The following SLC18A2 variants were observed in gnomAD, a reference collection of about 807,000 sequenced individuals.
The protein encoded by SLC18A2 is synaptic vesicular amine transporter.
A neutral mutation model predicts 59.2 loss-of-function variants in SLC18A2; 33 were observed. The ratio of observed to expected loss-of-function variants is 0.56; its 90% CI spans 0.42 to 0.75. SLC18A2 has a LOEUF of 0.75. SLC18A2 is among the 30% of genes least tolerant of loss of function. The probability of loss-of-function intolerance (pLI) is 0.00; values close to 1 mark genes in which losing one functional copy is unlikely to be tolerated. For missense variants in SLC18A2, 569 were observed against 668.6 expected (o/e 0.85, Z 1.64); for synonymous variants, 228 against 253.5 (o/e 0.90, Z 0.95).
At chr10:117,251,227 G>A (rs889030448) in intron 3 of SLC18A2, among the ~76,000 whole-genome samples, 2 of 152,174 alleles carry the variant, frequency 1.3e-5, no homozygotes, top group African/African-American at 2.4e-5. Flanking sequence ...AGGACAGCCC[G>A]GAAGATTGTC....
At position 117,260,894 on chromosome 10, in the gene SLC18A2, G is replaced by C. The variant is rs368001492; in HGVS notation, c.991+3002G>C. ...AGAAAGCACATCTGGACTTTCTGCT[G>C]TTGTAGGAGAGTGTCCTTGTACGTA... On this transcript the variant is annotated intron_variant, in intron 10 of 15. Coordinates refer to ENST00000644641, the MANE Select transcript of SLC18A2 (RefSeq NM_003054.6). 3.3e-5 allele frequency among the ~76,000 whole-genome samples: 5 copies of C among 152,314 alleles called. No individual in the cohort carries two copies. In the South Asian group the frequency reaches 1.0e-3, roughly 32 times the overall value.
intron 10 of SLC18A2, among the ~76,000 whole-genome samples, chr10:117,262,089 T>G (rs748007553): frequency 6.6e-6 from 1 of 152,112 alleles, no homozygotes; most frequent in African/African-American, 2.4e-5. Context: ...GTATTTTTAG[T>G]AGAGACAGGG....
intron 15 of SLC18A2, among the ~76,000 whole-genome samples, chr10:117,276,630 A>AG (rs1554953530): frequency 8.5e-4 from 19 of 22,310 alleles, no homozygotes; most frequent in African/African-American, 1.7e-3. Context: ...AAAAAAAAAA[A>AG]AAAGAAAGAA....
At chr10:117,247,750 G>C (rs1383868802) in intron 3 of SLC18A2, among the ~76,000 whole-genome samples, 2 of 152,180 alleles carry the variant, frequency 1.3e-5, no homozygotes, top group East Asian at 3.8e-4. Context: ...AACTGGTCCA[G>C]CCTCGTGCAT....
chr10:117,269,448 A>G lies in SLC18A2; in HGVS notation c.1187-623A>G, dbSNP rs894039748. Among the ~76,000 whole-genome samples the G allele has an allele frequency of 6.6e-6, 1 of 152,162 alleles. No homozygotes were observed. The highest frequency in any genetic ancestry group is 6.5e-5 in the Admixed American group (1 of 15,282). On this transcript the variant is annotated intron_variant, in intron 13 of 15. Transcript: ENST00000644641. The surrounding 1 kb of genome is among the most constrained non-coding windows in gnomAD (Gnocchi z 5.1). ...CATACAGACATACACCCCAGCAACA[A>G]CCACGACCAGCATTAGAATCTCGTC...
Position 117,241,548 on chromosome 10 carries a change from G to A in SLC18A2, c.-15-131G>A, listed in dbSNP as rs1844052272. On this transcript the variant is annotated intron_variant, in intron 1 of 15. Coordinates refer to ENST00000644641, the MANE Select transcript of SLC18A2 (RefSeq NM_003054.6). ...ACGCGCTCGAGGCAGGTGAGCCGAGGCTGGGGCGCCCGGGGGTGTCCCCGG... is the reference window on the plus strand; with the variant it reads ...ACGCGCTCGAGGCAGGTGAGCCGAGACTGGGGCGCCCGGGGGTGTCCCCGG... 15 of 1,021,450 alleles carry A rather than the reference G, an allele frequency of 1.5e-5. 2 individuals are homozygous for A. In the South Asian group the frequency reaches 2.9e-4, roughly 20 times the overall value. The allele number at this position is 1,021,450 out of a possible 1,614,324, so 63.3% of individuals were successfully genotyped here. A position where few individuals can be genotyped will look rare whatever the true frequency, so the allele number is the denominator to read the frequency against.
intron 15 of SLC18A2, among the ~76,000 whole-genome samples, chr10:117,274,701 T>C (rs1203919234): frequency 2.0e-5 from 3 of 152,150 alleles, no homozygotes; most frequent in Admixed American, 2.0e-4. Context: ...TCCCTTGCTG[T>C]CCAAACCTTT....
chr10:117,268,030 C>G, intron 13 of SLC18A2: 1 of 299,130 alleles, frequency 3.3e-6, no homozygotes, highest in Non-Finnish European at 6.4e-6. Context: ...GCACAGAGCT[C>G]ATTTTTGTGG....
chr10:117,242,686 A>G (rs548169510), intron 2 of SLC18A2, among the ~76,000 whole-genome samples: 2 of 152,250 alleles, frequency 1.3e-5, no homozygotes, highest in East Asian at 3.9e-4. Context: ...CTTCGATTAT[A>G]TGTTTCACAA....
At chr10:117,259,232 G>A (rs543067767) in intron 10 of SLC18A2, among the ~76,000 whole-genome samples, 20 of 152,250 alleles carry the variant, frequency 1.3e-4, no homozygotes, top group African/African-American at 4.6e-4. Context: ...GGAGTTAGTC[G>A]TTGCCTTGTC....
At chr10:117,243,936 T>C (rs1302503679) in intron 2 of SLC18A2, 35 bp from the exon 3 acceptor site, 3 of 1,557,302 alleles carry the variant, frequency 1.9e-6, no homozygotes, top group African/African-American at 2.7e-5. Flanking sequence ...GGTTTCAGTG[T>C]GATCACCACC....
chr10:117,277,430 C>G lies in SLC18A2; in HGVS notation c.*164C>G. Reference sequence around the variant, plus strand: ...ATGGTTATGGTCGATTGCCAACAGCCTTATAAAGAAAAAGAAGCTTTTCTA... The same window carrying G: ...ATGGTTATGGTCGATTGCCAACAGCGTTATAAAGAAAAAGAAGCTTTTCTA... On this transcript the variant is annotated 3_prime_UTR_variant, in exon 16 of 16. Coordinates refer to ENST00000644641, the MANE Select transcript of SLC18A2 (RefSeq NM_003054.6). The G allele has an allele frequency of 2.4e-6, 1 of 425,254 alleles. No individual in the cohort carries two copies. The highest frequency in any genetic ancestry group is 3.6e-5 in the East Asian group (1 of 27,516). 26.3% of individuals were successfully genotyped at this position (425,254 alleles called of 1,614,324 possible).
rs571846611 is a variant in SLC18A2 at position 117,278,920 on chromosome 10, T to C, written c.*1654T>C. On this transcript the variant is annotated 3_prime_UTR_variant, in exon 16 of 16. Coordinates refer to ENST00000644641, the MANE Select transcript of SLC18A2 (RefSeq NM_003054.6). ...TGGCTAAAAAGGCAGGCTAGTTTCT[T>C]ACTTCTACAGGGGTAGAGCCTTAAA... 6.6e-6 allele frequency: 1 copy of C among 152,210 alleles called. No individual in the cohort carries two copies. The highest frequency in any genetic ancestry group is 2.4e-5 in the African/African-American group (1 of 41,450). The allele number at this position is 152,210 out of a possible 1,614,324, so 9.4% of individuals were successfully genotyped here.
In SLC18A2 at chr10:117,277,254, T is replaced by C; in HGVS notation, c.1533T>C (p.Ser511=). The change falls in exon 16 of 16, where the codon TCT becomes TCC. Residue 511 remains serine, a synonymous_variant. Transcript: ENST00000644641. The part of the protein sequence containing the change: ...QSYPIGEDEE[S]ESD ...ATCCGATAGGTGAAGATGAAGAATC[T>C]GAAAGTGACTGAGATGAGATCCTCA... The C allele has an allele frequency of 6.3e-7, 1 of 1,590,182 alleles. No individual in the cohort carries two copies. The highest frequency in any genetic ancestry group is 8.6e-7 in the Non-Finnish European group (1 of 1,160,350).
In SLC18A2 at chr10:117,267,089, G is replaced by A. The variant is rs555504297; in HGVS notation, c.1122+54G>A. The A allele has an allele frequency of 3.0e-5, 42 of 1,381,830 alleles. 1 individual carries two copies. The highest frequency in any genetic ancestry group is 2.0e-4 in the South Asian group (16 of 81,220). 85.6% of individuals were successfully genotyped at this position (1,381,830 alleles called of 1,614,324 possible). ...GGAACAATCTGTGAATAAAACTTGC[G>A]CTTTGGGCAAGAATCACCAAGAAAC... On this transcript the variant is annotated intron_variant, in intron 12 of 15. Transcript: ENST00000644641.
Position 117,277,622 on chromosome 10 carries a change from AT to A in SLC18A2, c.*358del, listed in dbSNP as rs1321236135. The stretch of plus-strand genomic sequence containing the variant: ...TAACAAACATTTGGGCAAAAATCAT[AT>A]TGGTAATGAGTGTTTAAAATTAAAG... On this transcript the variant is annotated 3_prime_UTR_variant, in exon 16 of 16. Coordinates refer to ENST00000644641, the MANE Select transcript of SLC18A2 (RefSeq NM_003054.6). The A allele has an allele frequency of 4.5e-5, 7 of 156,218 alleles. No homozygotes were observed. The highest frequency in any genetic ancestry group is 1.4e-4 in the African/African-American group (6 of 41,564). 9.7% of individuals were successfully genotyped at this position (156,218 alleles called of 1,614,324 possible).
intron 3 of SLC18A2, among the ~76,000 whole-genome samples, chr10:117,250,103 T>C (rs1844145453): frequency 6.6e-6 from 1 of 152,150 alleles, no homozygotes; most frequent in Non-Finnish European, 1.5e-5. Flanking sequence ...TGGACGACTC[T>C]CCTTCTATGG....
At chr10:117,255,235 C>A in intron 6 of SLC18A2, 42 bp from the exon 7 acceptor site, 1 of 1,525,210 alleles carries the variant, frequency 6.6e-7, no homozygotes, top group Non-Finnish European at 9.1e-7. Flanking sequence ...AGGGAGAGGG[C>A]ATGTGTCCCA....
intron 15 of SLC18A2, among the ~76,000 whole-genome samples, chr10:117,270,907 A>G (rs1844417976): frequency 1.3e-5 from 2 of 152,122 alleles, no homozygotes; most frequent in Non-Finnish European, 2.9e-5. Flanking sequence ...GATTTTAGAG[A>G]TGATTTTACG....
Sources: allele counts gnomAD v4.1 joint callset (sites outside exome capture counted in the v4.1 genomes callset), GRCh38; gene constraint gnomAD v4.1.1; non-coding constraint Gnocchi (gnomAD v3.1); transcripts MANE v1.5; gene names NCBI Gene and HGNC (gene_info 2026-07-23, HGNC 2026-07-21).